Variants in LHX4 observed in about 807,000 individuals in gnomAD.
LHX4 encodes the protein LIM/homeobox protein Lhx4.
A neutral mutation model predicts 39.2 loss-of-function variants in LHX4; 16 were observed. The observed-to-expected ratio is 0.41, with a 90% CI of 0.28 to 0.62. The LOEUF (loss-of-function observed/expected upper bound fraction) is 0.62, where lower values mean the gene tolerates loss of function less well. LHX4 is among the 20% of genes least tolerant of loss of function. LHX4 has a pLI of 0.33. For synonymous variants in LHX4, 206 were observed against 198.1 expected, an observed-to-expected ratio of 1.04 and a Z score of -0.33; for missense variants, 439 against 511.9, an observed-to-expected ratio of 0.86 and a Z score of 1.37.
At chr1:180,257,571 C>T (rs747145673) in intron 2 of LHX4, among the ~76,000 whole-genome samples, 12 of 151,950 alleles carry the variant, frequency 7.9e-5, no homozygotes, top group South Asian at 2.1e-4. Flanking sequence ...TTAGAGTGGG[C>T]GGTGATATAT....
At position 180,230,357 on chromosome 1, in the gene LHX4, G is replaced by A; in HGVS notation, c.-173G>A. The A allele has an allele frequency of 1.5e-6, 1 of 651,436 alleles. No individual in the cohort carries two copies. Among genetic ancestry groups the A allele is most frequent in the Non-Finnish European group, 2.8e-6 (1 of 360,402 alleles). 40.4% of individuals were successfully genotyped at this position (651,436 alleles called of 1,614,324 possible). A position where few individuals can be genotyped will look rare whatever the true frequency, so the allele number is the denominator to read the frequency against. On this transcript the variant is annotated 5_prime_UTR_variant, in exon 1 of 6. Coordinates refer to ENST00000263726, the MANE Select transcript of LHX4 (RefSeq NM_033343.4). The surrounding 1 kb of genome is among the most constrained non-coding windows in gnomAD (Gnocchi z 5.8). ...GAAACAGACTGGGGACTGGCGGGGG[G>A]AGGGGGCCGGCCAGCCTGTGGAGTC...
chr1:180,272,559 G>A (rs1648735212), intron 5 of LHX4: 1 of 153,476 alleles, frequency 6.5e-6, no homozygotes, highest in South Asian at 2.0e-4. Flanking sequence ...CTGCACACAA[G>A]CTTTGCAGCA....
chr1:180,251,773 CATGAA>C (rs1180088585), intron 2 of LHX4, among the ~76,000 whole-genome samples: 2 of 152,226 alleles, frequency 1.3e-5, no homozygotes, highest in Admixed American at 6.5e-5. Flanking sequence ...TGCTCTGCTT[CATGAA>C]ATGACCTACT....
At chr1:180,237,565 G>A (rs1664354242) in intron 1 of LHX4, among the ~76,000 whole-genome samples, 1 of 145,166 alleles carries the variant, frequency 6.9e-6, no homozygotes, top group Non-Finnish European at 1.6e-5. Context: ...AACTGTATGA[G>A]CGGCTGACTG....
Position 180,248,478 on chromosome 1 carries a change from C to G in LHX4, c.248+22C>G, listed in dbSNP as rs946388967. The stretch of plus-strand genomic sequence containing the variant: ...TCAAGTAAGTCAGAACGGTCCGTCT[C>G]GTGGCCCTGGCCTGTCTCTGCCTCT... On this transcript the variant is annotated intron_variant, in intron 2 of 5. Transcript: ENST00000263726. 20 of 1,613,120 alleles carry G rather than the reference C, an allele frequency of 1.2e-5. No individual in the cohort carries two copies. In the African/African-American group the frequency reaches 2.5e-4, roughly 20 times the overall value.
intron 1 of LHX4, among the ~76,000 whole-genome samples, chr1:180,235,465 A>G (rs1664293344): frequency 6.6e-6 from 1 of 152,218 alleles, no homozygotes; most frequent in African/African-American, 2.4e-5. Flanking sequence ...TTGGAATGAC[A>G]AAATTAAACC....
chr1:180,241,515 G>T (rs1035176364), intron 1 of LHX4, among the ~76,000 whole-genome samples: 2 of 152,040 alleles, frequency 1.3e-5, no homozygotes, highest in Non-Finnish European at 2.9e-5. Context: ...GTGAGGGCTC[G>T]GTGTTTTACA....
chr1:180,272,817 C>A (rs1648758780), intron 5 of LHX4: 1 of 152,204 alleles, frequency 6.6e-6, no homozygotes, highest in Admixed American at 6.5e-5. Context: ...CATATCTTTG[C>A]CCATCTCACT....
intron 3 of LHX4, chr1:180,270,514 C>G (rs754594640): frequency 3.3e-5 from 5 of 152,274 alleles, no homozygotes; most frequent in Admixed American, 6.5e-5. Context: ...ACGCGCCTCT[C>G]TCTGTACCTG....
chr1:180,266,618 TCCC>T lies in LHX4; in HGVS notation c.451+26_451+28del, dbSNP rs746927547. ...CGGTAAGCAGCATGGCCCCGCATGGTCCCCTCTCCAGGCCTTTGTTTGGGCCAC... is the reference window on the plus strand; with the variant it reads ...CGGTAAGCAGCATGGCCCCGCATGGTCTCTCCAGGCCTTTGTTTGGGCCAC... On this transcript the variant is annotated intron_variant, in intron 3 of 5. Coordinates refer to ENST00000263726, the MANE Select transcript of LHX4 (RefSeq NM_033343.4). The surrounding 1 kb of genome is among the most constrained non-coding windows in gnomAD (Gnocchi z 5.7). The T allele has an allele frequency of 6.2e-7, 1 of 1,610,172 alleles. No homozygotes were observed. The highest frequency in any genetic ancestry group is 8.5e-7 in the Non-Finnish European group (1 of 1,177,534).
At chr1:180,231,088 C>A (rs1050484849) in intron 1 of LHX4, among the ~76,000 whole-genome samples, 3 of 152,046 alleles carry the variant, frequency 2.0e-5, no homozygotes, top group African/African-American at 7.2e-5. Context: ...CACTCTTAGT[C>A]CCTGCGGCCC....
At chr1:180,251,082 C>A (rs1647608478) in intron 2 of LHX4, among the ~76,000 whole-genome samples, 1 of 152,236 alleles carries the variant, frequency 6.6e-6, no homozygotes. Context: ...CCCGGTGAGT[C>A]TTCCGCCAGG....
At position 180,276,772 on chromosome 1, in the gene LHX4, G is replaced by A. The variant is rs1649055017; in HGVS notation, c.*2193G>A. The A allele has an allele frequency of 6.6e-6, 1 of 151,862 alleles. No individual in the cohort carries two copies. Among genetic ancestry groups the A allele is most frequent in the African/African-American group, 2.4e-5 (1 of 41,282 alleles). The allele number at this position is 151,862 out of a possible 1,614,324, so 9.4% of individuals were successfully genotyped here. On this transcript the variant is annotated 3_prime_UTR_variant, in exon 6 of 6. Coordinates refer to ENST00000263726, the MANE Select transcript of LHX4 (RefSeq NM_033343.4). ...TGACTATTTGGCTTAGCAACTCATG[G>A]GATTTCAGAGGCCCTTGAAGTTTTT...
chr1:180,269,928 T>C (rs1648536523), intron 3 of LHX4: 1 of 152,240 alleles, frequency 6.6e-6, no homozygotes, highest in South Asian at 2.1e-4. Context: ...TGGGCCACAG[T>C]AGTTCCGGGA....
upstream of LHX4, chr1:180,230,156 T>C (rs1664138680): frequency 8.9e-6 from 3 of 337,088 alleles, no homozygotes; most frequent in Non-Finnish European, 1.7e-5. This position sits in a 1 kb window ranked among gnomAD's most constrained non-coding sequence, Gnocchi z 5.8. Context: ...TCCTGCAGTG[T>C]GAATGAATCA....
rs796476390 is a variant in LHX4 at position 180,274,796 on chromosome 1, C to T, written c.*217C>T. The T allele has an allele frequency of 1.4e-5, 8 of 564,372 alleles. No individual in the cohort carries two copies. In the African/African-American group the frequency reaches 1.5e-4, roughly 11 times the overall value. The allele number at this position is 564,372 out of a possible 1,614,324, so 35.0% of individuals were successfully genotyped here. A position where few individuals can be genotyped will look rare whatever the true frequency, so the allele number is the denominator to read the frequency against. Reference sequence around the variant, plus strand: ...AGAGCAGACTCATCTCAGAACACAGCACAGGGGGTAATGGCCTAGAGCTCT... The same window carrying T: ...AGAGCAGACTCATCTCAGAACACAGTACAGGGGGTAATGGCCTAGAGCTCT... On this transcript the variant is annotated 3_prime_UTR_variant, in exon 6 of 6. Coordinates refer to ENST00000263726, the MANE Select transcript of LHX4 (RefSeq NM_033343.4).
At position 180,271,825 on chromosome 1, in the gene LHX4, T is replaced by C. The variant is rs2149266729; in HGVS notation, c.607-10T>C. The C allele has an allele frequency of 6.2e-7, 1 of 1,613,646 alleles. No individual in the cohort carries two copies. The highest frequency in any genetic ancestry group is 8.5e-7 in the Non-Finnish European group (1 of 1,179,928). Reference sequence around the variant, plus strand: ...GCCCCCTGAGTATGTCCCTTGTGCTTGTGTGGCAGGTTTGGTTTCAGAACA... The same window carrying C: ...GCCCCCTGAGTATGTCCCTTGTGCTCGTGTGGCAGGTTTGGTTTCAGAACA... On this transcript the variant is annotated splice_polypyrimidine_tract_variant and intron_variant, in intron 4 of 5. Coordinates refer to ENST00000263726, the MANE Select transcript of LHX4 (RefSeq NM_033343.4).
chr1:180,274,077 G>A, intron 5 of LHX4, 108 bp from the exon 6 acceptor site: 2 of 1,405,586 alleles, frequency 1.4e-6, no homozygotes, highest in Non-Finnish European at 2.0e-6. Context: ...CAAGGCAGCT[G>A]CCATCCTTGG....
intron 3 of LHX4, among the ~76,000 whole-genome samples, chr1:180,269,372 G>A (rs1028867567): frequency 6.6e-6 from 1 of 152,072 alleles, no homozygotes. Flanking sequence ...TTTTCAGCAC[G>A]AGCACTGCCA....
Sources: gnomAD v4.1 joint callset for allele counts (sites outside exome capture counted in the v4.1 genomes callset) on GRCh38, gnomAD v4.1.1 for gene constraint, Gnocchi (gnomAD v3.1) non-coding constraint, MANE v1.5 for transcripts, NCBI Gene and HGNC (gene_info 2026-07-23, HGNC 2026-07-21) for gene names.